Variants in C16orf96 observed in about 807,000 individuals in gnomAD.
C16orf96 encodes chromosome 16 open reading frame 96.
Under a neutral mutation model 103.6 loss-of-function variants are expected in C16orf96, and 108 were observed. The observed-to-expected ratio is 1.04, with a 90% CI of 0.89 to 1.22. C16orf96 has a LOEUF of 1.22. Among genes scored for constraint, C16orf96 ranks in the 50% most tolerant of loss-of-function variants. The pLI is 0.00. For missense variants in C16orf96, 1,586 were observed against 1,464.2 expected (o/e 1.08, Z -1.36); for synonymous variants, 566 against 593.5 (o/e 0.95, Z 0.67).
intron 1 of C16orf96, among the ~76,000 whole-genome samples, chr16:4,565,085 G>A (rs2059372964): frequency 1.3e-5 from 2 of 152,156 alleles, no homozygotes; most frequent in African/African-American, 4.8e-5. Context: ...CTGAGGGGGT[G>A]TTTGCCTTAG....
chr16:4,540,019 T>G, the C16orf96 span, among the ~76,000 whole-genome samples: 1 of 152,214 alleles, frequency 6.6e-6, no homozygotes, highest in Admixed American at 6.5e-5. Context: ...ATTTGAGTAA[T>G]GAAACTTTGG....
chr16:4,577,248 T>C (rs1005923318), intron 5 of C16orf96, among the ~76,000 whole-genome samples: 4 of 151,838 alleles, frequency 2.6e-5, no homozygotes, highest in African/African-American at 9.7e-5. Context: ...CAGTATTGTA[T>C]TGGCTAAGCA....
In C16orf96 at chr16:4,566,173, A is replaced by G. The variant is rs546131957; in HGVS notation, c.421-5388A>G. 1.7e-4 allele frequency among the ~76,000 whole-genome samples: 26 copies of G among 152,250 alleles called. No individual in the cohort carries two copies. The East Asian group carries it at 4.8e-3, about 28-fold the overall frequency. On this transcript the variant is annotated intron_variant, in intron 1 of 15. Coordinates refer to ENST00000444310, the MANE Select transcript of C16orf96 (RefSeq NM_001145011.2). ...TGTGTGCAAGTTTTTATATGGACCT[A>G]TGTTTTCATTTCTTTTGGGAATATA...
At chr16:4,570,916 T>TA (rs1363444384) in intron 1 of C16orf96, among the ~76,000 whole-genome samples, 2 of 152,162 alleles carry the variant, frequency 1.3e-5, no homozygotes, top group Non-Finnish European at 2.9e-5. Context: ...GACCGGGTGC[T>TA]GTGGCACTTT....
intron 1 of C16orf96, among the ~76,000 whole-genome samples, chr16:4,567,289 T>C (rs1472995308): frequency 7.3e-6 from 1 of 136,458 alleles, no homozygotes; most frequent in African/African-American, 2.7e-5. Flanking sequence ...TCTTTTTTTT[T>C]TTTTTTTTTT....
the C16orf96 span, among the ~76,000 whole-genome samples, chr16:4,545,497 G>A: frequency 1.4e-4 from 21 of 152,238 alleles, no homozygotes; most frequent in Non-Finnish European, 2.2e-4. Flanking sequence ...TAGCCAAGCC[G>A]GGTTTCAGCA....
At chr16:4,589,239 C>G (rs1452971946) in intron 9 of C16orf96, among the ~76,000 whole-genome samples, 1 of 152,024 alleles carries the variant, frequency 6.6e-6, no homozygotes, top group Non-Finnish European at 1.5e-5. Flanking sequence ...CTTGTGTAAC[C>G]TACAGGATAT....
intron 2 of C16orf96, among the ~76,000 whole-genome samples, chr16:4,571,938 C>T (rs1466965020): frequency 1.3e-5 from 2 of 151,778 alleles, no homozygotes; most frequent in Non-Finnish European, 2.9e-5. Context: ...CAACCTCTGC[C>T]TCCCGGGTTC....
intron 9 of C16orf96, 63 bp downstream of exon 9, chr16:4,588,394 G>A (rs960818474): frequency 1.3e-6 from 2 of 1,491,622 alleles, no homozygotes; most frequent in Non-Finnish European, 1.8e-6. Flanking sequence ...CTTAGCAACT[G>A]CAAACAACAA....
chr16:4,596,001 C>T (rs943658393), intron 14 of C16orf96, among the ~76,000 whole-genome samples: 9 of 152,112 alleles, frequency 5.9e-5, no homozygotes, highest in Non-Finnish European at 2.9e-5. Flanking sequence ...GGCAGAAATT[C>T]TTTCTTGCCA....
In C16orf96 at chr16:4,571,424, C is replaced by T. The variant is rs1428058343; in HGVS notation, c.421-137C>T. The T allele has an allele frequency of 3.0e-5, 20 of 666,574 alleles. 1 individual carries two copies. The South Asian group carries it at 3.7e-4, about 12-fold the overall frequency. 41.3% of individuals were successfully genotyped at this position (666,574 alleles called of 1,614,324 possible). A position where few individuals can be genotyped will look rare whatever the true frequency, so the allele number is the denominator to read the frequency against. Reference sequence around the variant, plus strand: ...GACTTTAGTAGCATCTCCTGGTCCCCTTGTAGGTTCCAGTCTAGGCCTTGG... The same window carrying T: ...GACTTTAGTAGCATCTCCTGGTCCCTTTGTAGGTTCCAGTCTAGGCCTTGG... On this transcript the variant is annotated intron_variant, in intron 1 of 15. Coordinates refer to ENST00000444310, the MANE Select transcript of C16orf96 (RefSeq NM_001145011.2).
At chr16:4,546,826 C>T in the C16orf96 span, among the ~76,000 whole-genome samples, 1 of 152,048 alleles carries the variant, frequency 6.6e-6, no homozygotes, top group Admixed American at 6.6e-5. Flanking sequence ...GGATAAACAA[C>T]GTGTGATCTC....
intron 7 of C16orf96, among the ~76,000 whole-genome samples, chr16:4,582,011 G>C (rs1427769018): frequency 6.6e-6 from 1 of 152,100 alleles, no homozygotes; most frequent in Non-Finnish European, 1.5e-5. Flanking sequence ...GCCAGGCGCG[G>C]TGGTTCACAC....
intron 5 of C16orf96, among the ~76,000 whole-genome samples, chr16:4,578,013 G>A (rs1042664608): frequency 1.3e-5 from 2 of 152,100 alleles, no homozygotes; most frequent in African/African-American, 4.8e-5. Context: ...AGGAGGCTGA[G>A]GTGGGAAGAT....
At position 4,576,354 on chromosome 16, in the gene C16orf96, G is replaced by C; in HGVS notation, c.1874G>C (p.Gly625Ala). The C allele has an allele frequency of 1.3e-6, 2 of 1,550,894 alleles. 1 individual carries two copies. Among genetic ancestry groups the C allele is most frequent in the South Asian group, 2.4e-5 (2 of 84,066 alleles). The part of the protein sequence containing the change: ...GPLGVFADVL[G>A]AGPSRGATES... Reference sequence around the variant, plus strand: ...CTAGGGGTCTTTGCAGATGTCCTGGGTGCAGGGCCTTCCCGGGGAGCCACA... The same window carrying C: ...CTAGGGGTCTTTGCAGATGTCCTGGCTGCAGGGCCTTCCCGGGGAGCCACA... The change falls in exon 5 of 16, where the codon GGT (glycine) becomes GCT (alanine). Residue 625 changes from glycine to alanine, a missense_variant. By Grantham distance (60) the Gly-to-Ala change is moderately conservative. Coordinates refer to ENST00000444310, the MANE Select transcript of C16orf96 (RefSeq NM_001145011.2).
In C16orf96 at chr16:4,594,411, G is replaced by C; in HGVS notation, c.2928G>C (p.Trp976Cys). Residue 976 changes from tryptophan (W) to cysteine (C), a missense_variant, in exon 13 of 16, where the codon TGG becomes TGC. Coordinates refer to ENST00000444310, the MANE Select transcript of C16orf96 (RefSeq NM_001145011.2). ...TCCAGGAGGATTGTCAGCAGGACTG[G>C]GGTGATGGCCCCCAAAACGCCACCA... ...LGIQEDCQQD[W>C]GDGPQNATSL... The C allele has an allele frequency of 6.4e-7, 1 of 1,551,450 alleles. No homozygotes were observed. Among genetic ancestry groups the C allele is most frequent in the Non-Finnish European group, 8.7e-7 (1 of 1,147,004 alleles).
intron 14 of C16orf96, among the ~76,000 whole-genome samples, chr16:4,597,649 T>C (rs1897201817): frequency 6.6e-6 from 1 of 152,014 alleles, no homozygotes; most frequent in African/African-American, 2.4e-5. Flanking sequence ...CTCAACCTCC[T>C]GGGCTCAAGA....
In C16orf96 at chr16:4,594,499, G is replaced by A. The variant is rs1337882879; in HGVS notation, c.3016G>A (p.Asp1006Asn). 3.9e-5 allele frequency: 61 copies of A among 1,551,004 alleles called. No individual in the cohort carries two copies. The highest frequency in any genetic ancestry group is 5.1e-5 in the Non-Finnish European group (58 of 1,146,826). ...LYPYGDPHVI[D>N]YDSAEVDILG... ...TCCCTACGGGGATCCCCACGTGATC[G>A]ACTATGACAGCGTGAGTCTGGCCGG... Residue 1006 changes from aspartate (D) to asparagine (N), a missense_variant, in exon 13 of 16, where the codon GAC becomes AAC. Physicochemically the swap from Asp to Asn is conservative, Grantham distance 23 (BLOSUM62 1). Coordinates refer to ENST00000444310, the MANE Select transcript of C16orf96 (RefSeq NM_001145011.2).
the C16orf96 span, among the ~76,000 whole-genome samples, chr16:4,547,556 G>T: frequency 6.6e-6 from 1 of 152,134 alleles, no homozygotes; most frequent in South Asian, 2.1e-4. Flanking sequence ...GAAATGGGAG[G>T]TGAGTGCTAA....
Sources: allele counts gnomAD v4.1 joint callset (sites outside exome capture counted in the v4.1 genomes callset), GRCh38; gene constraint gnomAD v4.1.1; transcripts MANE v1.5; gene names NCBI Gene and HGNC (gene_info 2026-07-23, HGNC 2026-07-21).